KIF11: variants seen among roughly 807,000 people sequenced by gnomAD.
KIF11 encodes the protein kinesin-like protein KIF11.
Under a neutral mutation model 121.0 loss-of-function variants are expected in KIF11, and 9 were observed. The observed-to-expected ratio is 0.07, with a 90% CI of 0.04 to 0.13. The LOEUF (loss-of-function observed/expected upper bound fraction) is 0.13, where lower values mean the gene tolerates loss of function less well. KIF11 is among the 10% of genes least tolerant of loss of function. The probability of loss-of-function intolerance (pLI) is 1.00; values close to 1 mark genes in which losing one functional copy is unlikely to be tolerated. For missense variants in KIF11, 846 were observed against 1,217.5 expected (o/e 0.69, Z 4.54); for synonymous variants, 408 against 421.0 (o/e 0.97, Z 0.38).
Position 92,606,670 on chromosome 10 carries a change from C to G in KIF11, c.262C>G (p.Pro88Ala). ...TGATGTTTACCGAAGTGTTGTTTGTCCAATTCTGGATGAAGTTATTATGGG... is the reference window on the plus strand; with the variant it reads ...TGATGTTTACCGAAGTGTTGTTTGTGCAATTCTGGATGAAGTTATTATGGG... ...QIDVYRSVVC[P>A]ILDEVIMGYN... Residue 88 changes from proline (P) to alanine (A), a missense_variant, in exon 3 of 22, where the codon CCA becomes GCA. By Grantham distance (27) the Pro-to-Ala change is conservative. This residue lies in a region of KIF11 where 140 missense variants were observed against 193.5 expected (regional missense o/e 0.72). Transcript: ENST00000260731. The G allele has an allele frequency of 6.3e-7, 1 of 1,594,104 alleles. No individual in the cohort carries two copies. The highest frequency in any genetic ancestry group is 8.6e-7 in the Non-Finnish European group (1 of 1,163,054).
At chr10:92,609,301 A>AGAGAGAGAGAGT (rs1554859634) in intron 5 of KIF11, 84 bp from the exon 6 acceptor site, 5 of 601,056 alleles carry the variant, frequency 8.3e-6, no homozygotes, top group African/African-American at 3.4e-5. Flanking sequence ...AGAGAGAGAG[A>AGAGAGAGAGAGT]GAGTGTGTGT....
Sources: allele counts gnomAD v4.1 joint callset, GRCh38; gene constraint gnomAD v4.1.1; regional missense constraint gnomAD v4.1.1; transcripts MANE v1.5; gene names NCBI Gene and HGNC (gene_info 2026-07-23, HGNC 2026-07-21).